The following OR51B5 variants were observed in gnomAD, a reference collection of about 807,000 sequenced individuals.
OR51B5 encodes the protein olfactory receptor 51B5.
For missense variants in OR51B5, 456 were observed against 374.6 expected (o/e 1.22, Z -1.79); for synonymous variants, 186 against 144.8 (o/e 1.28, Z -2.04).
intron 1 of OR51B5, among the ~76,000 whole-genome samples, chr11:5,419,778 C>G (rs1372901076): frequency 6.6e-6 from 1 of 151,942 alleles, no homozygotes; most frequent in Non-Finnish European, 1.5e-5. Context: ...CTCTTTAAAT[C>G]CCAGTTTATA....
intron 1 of OR51B5, among the ~76,000 whole-genome samples, chr11:5,439,067 T>C (rs1850634328): frequency 6.6e-6 from 1 of 151,944 alleles, no homozygotes; most frequent in African/African-American, 2.4e-5. Flanking sequence ...CATCTCAGTA[T>C]GACAATCAAC....
chr11:5,427,335 A>C (rs762212924), intron 1 of OR51B5, among the ~76,000 whole-genome samples: 1 of 151,666 alleles, frequency 6.6e-6, no homozygotes, highest in East Asian at 1.9e-4. Flanking sequence ...GCCCCTACAC[A>C]TGTGTGCTGA....
chr11:5,493,390 A>G (rs1851605550), intron 1 of OR51B5, among the ~76,000 whole-genome samples: 1 of 152,212 alleles, frequency 6.6e-6, no homozygotes, highest in Non-Finnish European at 1.5e-5. Context: ...CAAGTTTGAG[A>G]AATCTATCTA....
At chr11:5,419,098 A>AG (rs1850290627) in intron 1 of OR51B5, among the ~76,000 whole-genome samples, 1 of 152,114 alleles carries the variant, frequency 6.6e-6, no homozygotes, top group East Asian at 1.9e-4. Context: ...AAATTGTCTA[A>AG]AATATTCCCC....
exon 1 of OR51B5, chr11:5,505,603 G>A (rs946238404): frequency 1.6e-6 from 1 of 620,252 alleles, no homozygotes; most frequent in African/African-American, 2.0e-5. Flanking sequence ...CACAACCATG[G>A]CCAGGAGAAG....
chr11:5,484,960 A>T (rs1404169597), intron 1 of OR51B5, among the ~76,000 whole-genome samples: 1 of 152,190 alleles, frequency 6.6e-6, no homozygotes, highest in Non-Finnish European at 1.5e-5. Context: ...GTTTTGGTTG[A>T]TTTTAGCACT....
intron 1 of OR51B5, chr11:5,453,805 T>C: frequency 6.2e-7 from 1 of 1,614,208 alleles, no homozygotes; most frequent in Non-Finnish European, 8.5e-7. Context: ...CTTATTCACT[T>C]CTTCTCCATG....
At chr11:5,390,106 A>C in intron 1 of OR51B5, 1 of 1,613,798 alleles carries the variant, frequency 6.2e-7, no homozygotes, top group East Asian at 2.2e-5. Flanking sequence ...TCCTGCACAC[A>C]GTAGCAGGCC....
chr11:5,377,355 T>C (rs1274709193), intron 1 of OR51B5, among the ~76,000 whole-genome samples: 1 of 152,156 alleles, frequency 6.6e-6, no homozygotes, highest in Non-Finnish European at 1.5e-5. Context: ...GCCAATATCA[T>C]ACTGAATGGG....
intron 1 of OR51B5, among the ~76,000 whole-genome samples, chr11:5,356,263 A>C (rs1054591818): frequency 2.0e-5 from 3 of 152,004 alleles, no homozygotes; most frequent in African/African-American, 7.2e-5. Context: ...AGAATAACCA[A>C]TACAGAGAAG....
intron 1 of OR51B5, chr11:5,351,934 G>C (rs1349591655): frequency 9.3e-6 from 15 of 1,612,898 alleles, no homozygotes; most frequent in Non-Finnish European, 1.1e-5. Context: ...AATGAAGATT[G>C]GTGTGCGGGT....
chr11:5,378,857 C>G (rs11037105), intron 1 of OR51B5, among the ~76,000 whole-genome samples: 49,552 of 146,312 alleles, frequency 0.34, 8,767 homozygotes, highest in Non-Finnish European at 0.39. Context: ...CTTTTACACT[C>G]TTGGTGGGAC....
downstream of OR51B5, chr11:5,342,570 C>T (rs753483883): frequency 2.6e-5 from 41 of 1,556,852 alleles, no homozygotes; most frequent in South Asian, 1.0e-4. Flanking sequence ...GTGAGAGTGA[C>T]TGTGATGATT....
At chr11:5,438,364 C>CCA (rs1476630691) in intron 1 of OR51B5, among the ~76,000 whole-genome samples, 1 of 135,306 alleles carries the variant, frequency 7.4e-6, no homozygotes, top group Non-Finnish European at 1.6e-5. Context: ...CACCCCCCCC[C>CCA]AGTTATCCAG....
intron 1 of OR51B5, among the ~76,000 whole-genome samples, chr11:5,486,841 G>A (rs1851506282): frequency 6.6e-6 from 1 of 151,804 alleles, no homozygotes; most frequent in South Asian, 2.1e-4. Flanking sequence ...GTAAAATCGT[G>A]TTTCTTTGTA....
At chr11:5,397,752 G>A (rs1171336186) in intron 1 of OR51B5, among the ~76,000 whole-genome samples, 6 of 150,800 alleles carry the variant, frequency 4.0e-5, no homozygotes, top group East Asian at 2.0e-4. Flanking sequence ...ACATGCACAC[G>A]TATGTTTATT....
At position 5,410,201 on chromosome 11, in the gene OR51B5, G is replaced by T. The variant is rs566359635; in HGVS notation, n.85-63291C>A. On this transcript the variant is annotated intron_variant and non_coding_transcript_variant, in intron 1 of 4. Coordinates refer to the OR51B5 transcript ENST00000415970. Reference sequence around the variant, plus strand: ...GAGTGAAATTAAAAGCATCGGAAAAGGTAAATATGTAGAAGAAAGCAAACA... The same window carrying T: ...GAGTGAAATTAAAAGCATCGGAAAATGTAAATATGTAGAAGAAAGCAAACA... Among the ~76,000 whole-genome samples, 101 of 152,008 alleles carry T rather than the reference G, an allele frequency of 6.6e-4. 1 individual carries two copies. In the Middle Eastern group the frequency reaches 0.01, roughly 15 times the overall value.
At chr11:5,422,393 C>A in intron 1 of OR51B5, 1 of 1,614,176 alleles carries the variant, frequency 6.2e-7, no homozygotes, top group Admixed American at 1.7e-5. Flanking sequence ...GTATCTGTTT[C>A]TCTCCATGCT....
intron 1 of OR51B5, among the ~76,000 whole-genome samples, chr11:5,487,211 G>A (rs987375001): frequency 2.6e-5 from 4 of 152,150 alleles, no homozygotes; most frequent in African/African-American, 7.2e-5. Flanking sequence ...GGTTAGGGAT[G>A]TAAATGATAA....
Sources: gnomAD v4.1 joint callset for allele counts (sites outside exome capture counted in the v4.1 genomes callset) on GRCh38, gnomAD v4.1.1 for gene constraint, MANE v1.5 for transcripts, NCBI Gene and HGNC (gene_info 2026-07-23, HGNC 2026-07-21) for gene names.